Variants in HIVEP1 observed in about 807,000 individuals in gnomAD.
The protein encoded by HIVEP1 is zinc finger protein 40.
HIVEP1 carries 36 observed loss-of-function variants against 180.0 expected under a neutral mutation model. That is an observed-to-expected ratio of 0.20 (90% CI 0.15 to 0.26). HIVEP1 has a LOEUF of 0.26. Ranked by LOEUF, HIVEP1 falls within the 10% of genes least tolerant of loss-of-function variation. The pLI, the probability that HIVEP1 is intolerant of heterozygous loss-of-function variation, is 1.00. For missense variants in HIVEP1, 3,143 were observed against 3,268.7 expected (o/e 0.96, Z 0.94); for synonymous variants, 1,239 against 1,239.0 (o/e 1.00, Z 0.00).
the HIVEP1 span, among the ~76,000 whole-genome samples, chr6:12,170,387 C>T: frequency 6.6e-6 from 1 of 152,082 alleles, no homozygotes; most frequent in Non-Finnish European, 1.5e-5. Flanking sequence ...TGAGACAGAA[C>T]AGACAGAAGC....
chr6:12,137,578 T>A (rs983121800), intron 7 of HIVEP1, among the ~76,000 whole-genome samples: 4 of 150,928 alleles, frequency 2.7e-5, no homozygotes, highest in Non-Finnish European at 4.4e-5. Context: ...TACTTTTTTT[T>A]AAAACTACTG....
the HIVEP1 span, among the ~76,000 whole-genome samples, chr6:12,188,080 G>A: frequency 3.9e-4 from 59 of 152,112 alleles, no homozygotes; most frequent in Non-Finnish European, 1.8e-4. Flanking sequence ...AATAAAGTCT[G>A]AGATATTTTC....
the HIVEP1 span, among the ~76,000 whole-genome samples, chr6:12,204,399 C>G: frequency 2.4e-4 from 36 of 152,196 alleles, no homozygotes; most frequent in African/African-American, 8.4e-4. Context: ...CCTCCCTTTC[C>G]CCCGCTTCCC....
intron 2 of HIVEP1, among the ~76,000 whole-genome samples, chr6:12,016,889 G>A (rs1767791843): frequency 6.6e-6 from 1 of 152,182 alleles, no homozygotes; most frequent in African/African-American, 2.4e-5. Flanking sequence ...TACCAGCTGA[G>A]GTGGGCATTT....
chr6:12,142,176 C>T (rs963472591), intron 7 of HIVEP1, among the ~76,000 whole-genome samples: 5 of 152,184 alleles, frequency 3.3e-5, no homozygotes, highest in African/African-American at 9.7e-5. Flanking sequence ...GAAATCACAA[C>T]AAACTGTCTC....
Position 12,164,142 on chromosome 6 carries a change from A to C in HIVEP1, c.7838A>C (p.Lys2613Thr). The C allele has an allele frequency of 6.2e-7, 1 of 1,614,184 alleles. No homozygotes were observed. The highest frequency in any genetic ancestry group is 8.5e-7 in the Non-Finnish European group (1 of 1,180,034). The change falls in exon 9 of 9, where the codon AAA (lysine) becomes ACA (threonine). Residue 2613 changes from lysine to threonine, a missense_variant. Around this residue, in one of 12 missense-constraint regions of HIVEP1, gnomAD observed 595 missense variants for 602.2 expected, o/e 0.99. Coordinates refer to ENST00000379388, the MANE Select transcript of HIVEP1 (RefSeq NM_002114.4). ...LPTVQRENAK[K>T]VLNPPAPAGD... ...ACAGTCCAGCGGGAAAATGCAAAAAAAGTTCTGAATCCACCTGCCCCTGCA... is the reference window on the plus strand; with the variant it reads ...ACAGTCCAGCGGGAAAATGCAAAAACAGTTCTGAATCCACCTGCCCCTGCA...
At position 12,120,686 on chromosome 6, in the gene HIVEP1, T is replaced by A; in HGVS notation, c.891T>A (p.His297Gln). ...ACTTTGTTCCCAAATCCAACCAACA[T>A]AATCAACAGCTTCCGGGGTGTTCAG... ...HEHFVPKSNQ[H>Q]NQQLPGCSGF... Residue 297 changes from histidine to glutamine, a missense_variant, in exon 4 of 9, where the codon CAT (histidine) becomes CAA (glutamine). By Grantham distance (24) the His-to-Gln change is conservative. Around this residue, in one of 12 missense-constraint regions of HIVEP1, gnomAD observed 306 missense variants for 310.6 expected, o/e 0.99. Coordinates refer to ENST00000379388, the MANE Select transcript of HIVEP1 (RefSeq NM_002114.4). The A allele has an allele frequency of 6.2e-7, 1 of 1,614,184 alleles. No individual in the cohort carries two copies. The highest frequency in any genetic ancestry group is 8.5e-7 in the Non-Finnish European group (1 of 1,180,024).
intron 2 of HIVEP1, among the ~76,000 whole-genome samples, chr6:12,071,258 T>A (rs1483773531): frequency 6.6e-6 from 1 of 152,220 alleles, no homozygotes; most frequent in Non-Finnish European, 1.5e-5. Flanking sequence ...TGCAAGCCAC[T>A]GGATGTGCAG....
intron 2 of HIVEP1, among the ~76,000 whole-genome samples, chr6:12,068,838 T>C (rs1462803707): frequency 6.6e-6 from 1 of 152,096 alleles, no homozygotes; most frequent in East Asian, 1.9e-4. Context: ...ATATGAGTAA[T>C]ACATGAACTT....
chr6:12,112,977 G>A (rs1026648088), intron 3 of HIVEP1, among the ~76,000 whole-genome samples: 1 of 152,006 alleles, frequency 6.6e-6, no homozygotes, highest in Non-Finnish European at 1.5e-5. Flanking sequence ...TTCCCTATCA[G>A]CTTAAAGCCC....
chr6:12,058,802 T>G (rs1771040551), intron 2 of HIVEP1, among the ~76,000 whole-genome samples: 1 of 152,172 alleles, frequency 6.6e-6, no homozygotes, highest in African/African-American at 2.4e-5. Context: ...CTAGTAAGCT[T>G]TGCAAAAGAA....
At position 12,093,905 on chromosome 6, in the gene HIVEP1, A is replaced by T. The variant is rs186579003; in HGVS notation, c.94+4668A>T. 3.7e-3 allele frequency among the ~76,000 whole-genome samples: 567 copies of T among 152,136 alleles called. 4 individuals are homozygous for T. Among genetic ancestry groups the T allele is most frequent in the African/African-American group, 0.013 (534 of 41,544 alleles). The stretch of plus-strand genomic sequence containing the variant: ...TTCTAGTCCTTTGCTCATCTATTTG[A>T]ATTTTAGAATCAGGTCTTTAAAAAA... On this transcript the variant is annotated intron_variant, in intron 3 of 8. Transcript: ENST00000379388.
rs771344300 is a variant in HIVEP1, at chr6:12,123,766, T to G, written c.3971T>G (p.Ile1324Arg). 1.2e-5 allele frequency: 20 copies of G among 1,614,044 alleles called. No individual in the cohort carries two copies. Among genetic ancestry groups the G allele is most frequent in the Non-Finnish European group, 1.5e-5 (18 of 1,180,008 alleles). The change falls in exon 4 of 9, where the codon ATA becomes AGA. Residue 1324 changes from isoleucine to arginine, a missense_variant. This residue lies in a region of HIVEP1 where 1,357 missense variants were observed against 1,260.5 expected (regional missense o/e 1.08). Transcript: ENST00000379388. ...TCAAGTTTCTCAGCCTCTTTAGACATAGAGGACGTTTCTAAAACGGAGGCT... is the reference window on the plus strand; with the variant it reads ...TCAAGTTTCTCAGCCTCTTTAGACAGAGAGGACGTTTCTAAAACGGAGGCT... ...HTSSFSASLDIEDVSKTEASP... is the reference protein window; with the variant it reads ...HTSSFSASLDREDVSKTEASP...
chr6:12,099,557 C>T (rs1377242530), intron 3 of HIVEP1, among the ~76,000 whole-genome samples: 1 of 152,056 alleles, frequency 6.6e-6, no homozygotes, highest in Non-Finnish European at 1.5e-5. Flanking sequence ...TTAACATGAC[C>T]CTTATATGTG....
chr6:12,170,107 TGA>T, the HIVEP1 span, among the ~76,000 whole-genome samples: 7 of 150,052 alleles, frequency 4.7e-5, no homozygotes, highest in Admixed American at 3.3e-4. Flanking sequence ...GGCGACAGAG[TGA>T]GACTCTATCT....
intron 2 of HIVEP1, among the ~76,000 whole-genome samples, chr6:12,070,264 T>C (rs1246299810): frequency 6.6e-6 from 1 of 152,238 alleles, no homozygotes; most frequent in Non-Finnish European, 1.5e-5. Flanking sequence ...CATTATGTAT[T>C]GTACATAATT....
At chr6:12,085,055 T>C (rs1773031792) in intron 2 of HIVEP1, among the ~76,000 whole-genome samples, 1 of 152,144 alleles carries the variant, frequency 6.6e-6, no homozygotes, top group Non-Finnish European at 1.5e-5. Context: ...TTTTCTCTTT[T>C]TCTCTTCAGA....
At chr6:12,089,555 C>T (rs1773326708) in intron 3 of HIVEP1, among the ~76,000 whole-genome samples, 1 of 151,752 alleles carries the variant, frequency 6.6e-6, no homozygotes, top group South Asian at 2.1e-4. Flanking sequence ...ACACAGTTGG[C>T]CGTGTCCATG....
upstream of HIVEP1, chr6:12,008,414 T>C (rs1214395797): frequency 6.6e-6 from 1 of 152,152 alleles, no homozygotes; most frequent in Admixed American, 6.5e-5. Context: ...ATGAATCTAA[T>C]GTAGGAGGCC....
Sources: gnomAD v4.1 joint callset for allele counts (sites outside exome capture counted in the v4.1 genomes callset) on GRCh38, gnomAD v4.1.1 for gene constraint, gnomAD v4.1.1 regional missense constraint, MANE v1.5 for transcripts, NCBI Gene and HGNC (gene_info 2026-07-23, HGNC 2026-07-21) for gene names.